FAM107A: variants seen among roughly 807,000 people sequenced by gnomAD.
FAM107A encodes family with sequence similarity 107 member A.
Under a neutral mutation model 13.7 loss-of-function variants are expected in FAM107A, and 19 were observed. That is an observed-to-expected ratio of 1.38 (90% CI 0.97 to 2.03). FAM107A has a LOEUF of 2.03. FAM107A is among the 30% of genes most tolerant of loss of function. FAM107A has a pLI of 0.00. For synonymous variants in FAM107A, 82 were observed against 74.5 expected (o/e 1.10, Z -0.52); for missense variants, 203 against 184.4 (o/e 1.10, Z -0.58).
chr3:58,587,249 G>A (rs931204085), upstream of FAM107A: 1 of 500,052 alleles, frequency 2.0e-6, no homozygotes. Flanking sequence ...TTCCAGCCTC[G>A]GTCTCCCACC....
chr3:58,583,235 C>T (rs1157757091), intron 1 of FAM107A, among the ~76,000 whole-genome samples: 5 of 152,208 alleles, frequency 3.3e-5, no homozygotes, highest in African/African-American at 9.7e-5. Context: ...TATGTGTGGC[C>T]GCCCGTGGTT....
intron 1 of FAM107A, among the ~76,000 whole-genome samples, chr3:58,603,651 G>A (rs78196169): frequency 0.02 from 3,014 of 152,254 alleles, 46 homozygotes; most frequent in Non-Finnish European, 0.027. Flanking sequence ...CTCCATATCT[G>A]TTGGTCATTG....
chr3:58,620,368 G>A (rs1222135476), intron 1 of FAM107A, among the ~76,000 whole-genome samples: 1 of 152,178 alleles, frequency 6.6e-6, no homozygotes, highest in Non-Finnish European at 1.5e-5. Flanking sequence ...AAAACCTGTA[G>A]GCCTGGTAAT....
At chr3:58,590,325 C>T (rs2065645401), upstream of FAM107A, among the ~76,000 whole-genome samples, 1 of 152,180 alleles carries the variant, frequency 6.6e-6, no homozygotes, top group South Asian at 2.1e-4. Flanking sequence ...TTCCTGCAAC[C>T]CCACAGTTGT....
At chr3:58,620,062 C>A (rs564927629) in intron 1 of FAM107A, among the ~76,000 whole-genome samples, 1 of 152,174 alleles carries the variant, frequency 6.6e-6, no homozygotes, top group African/African-American at 2.4e-5. Context: ...GGAAATCAGC[C>A]TCCCTCTCTC....
Position 58,617,618 on chromosome 3 carries a change from G to T in FAM107A, c.-70+9798C>A, listed in dbSNP as rs1203483770. Reference sequence around the variant, plus strand: ...AGTGTTCTGAAAGCCGATCCCTGGGGCCCAGGGAGGGAGCTGCGTTTTTGG... The same window carrying T: ...AGTGTTCTGAAAGCCGATCCCTGGGTCCCAGGGAGGGAGCTGCGTTTTTGG... On this transcript the variant is annotated intron_variant, in intron 1 of 3. Coordinates refer to the FAM107A transcript ENST00000465970. This position sits in a 1 kb window ranked among gnomAD's most constrained non-coding sequence, Gnocchi z 4.5. Among the ~76,000 whole-genome samples, 1 of 152,162 alleles carries T rather than the reference G, an allele frequency of 6.6e-6. No homozygotes were observed. The highest frequency in any genetic ancestry group is 1.5e-5 in the Non-Finnish European group (1 of 68,034).
chr3:58,575,752 G>A (rs1338187054), intron 1 of FAM107A, among the ~76,000 whole-genome samples: 1 of 152,218 alleles, frequency 6.6e-6, no homozygotes, highest in Non-Finnish European at 1.5e-5. Flanking sequence ...CCTAGCCTAC[G>A]TGAAATGCAA....
chr3:58,594,967 A>C (rs977731361), intron 1 of FAM107A, among the ~76,000 whole-genome samples: 2 of 152,026 alleles, frequency 1.3e-5, no homozygotes, highest in Non-Finnish European at 2.9e-5. Flanking sequence ...TCCTTCTTTT[A>C]TTTGGACCTT....
chr3:58,567,712 A>G (rs949838130), intron 2 of FAM107A, among the ~76,000 whole-genome samples: 2 of 152,174 alleles, frequency 1.3e-5, no homozygotes, highest in Non-Finnish European at 2.9e-5. Flanking sequence ...TTTGAGGTAC[A>G]TATATCTATC....
At chr3:58,576,212 C>T (rs1279031621) in intron 1 of FAM107A, among the ~76,000 whole-genome samples, 1 of 152,222 alleles carries the variant, frequency 6.6e-6, no homozygotes. Flanking sequence ...AGCTGCTTGT[C>T]CATTTGGATG....
intron 1 of FAM107A, among the ~76,000 whole-genome samples, chr3:58,592,586 G>T (rs11719521): frequency 6.6e-6 from 1 of 151,864 alleles, no homozygotes; most frequent in South Asian, 2.1e-4. Context: ...GTCCGATAAC[G>T]GACCGGCCTT....
chr3:58,597,328 T>C (rs1026478933), intron 1 of FAM107A, among the ~76,000 whole-genome samples: 2 of 152,212 alleles, frequency 1.3e-5, no homozygotes, highest in African/African-American at 4.8e-5. Context: ...CATAGATTTT[T>C]GGGGACACAT....
intron 1 of FAM107A, among the ~76,000 whole-genome samples, chr3:58,592,959 C>T (rs2065666069): frequency 6.6e-6 from 1 of 152,202 alleles, no homozygotes; most frequent in Non-Finnish European, 1.5e-5. Context: ...CTCTTGCATA[C>T]TCCAGATTCC....
Position 58,569,042 on chromosome 3 carries a change from A to C in FAM107A, c.170+649T>G, listed in dbSNP as rs1420950419. On this transcript the variant is annotated intron_variant, in intron 2 of 3. Transcript: ENST00000360997. This position sits in a 1 kb window ranked among gnomAD's most constrained non-coding sequence, Gnocchi z 5.7. Reference sequence around the variant, plus strand: ...TCCCACCTCACCAGACGGGCCCACCACACCTTGTGCCCCTGCTGTAGACCT... The same window carrying C: ...TCCCACCTCACCAGACGGGCCCACCCCACCTTGTGCCCCTGCTGTAGACCT... Among the ~76,000 whole-genome samples the C allele has an allele frequency of 6.6e-6, 1 of 152,012 alleles. No individual in the cohort carries two copies. Among genetic ancestry groups the C allele is most frequent in the Non-Finnish European group, 1.5e-5 (1 of 67,982 alleles).
rs962919286 is a variant in FAM107A at position 58,617,061 on chromosome 3, C to T, written c.-70+10355G>A. 4.6e-5 allele frequency among the ~76,000 whole-genome samples: 7 copies of T among 152,134 alleles called. No individual in the cohort carries two copies. Among genetic ancestry groups the T allele is most frequent in the South Asian group, 2.1e-4 (1 of 4,830 alleles). ...TGCTGGGATTACAGGCGTGAGCCAC[C>T]GCGCCTGGCCTCGGCTACCCAGTTT... On this transcript the variant is annotated intron_variant, in intron 1 of 3. Coordinates refer to the FAM107A transcript ENST00000465970. The surrounding 1 kb of genome is among the most constrained non-coding windows in gnomAD (Gnocchi z 4.5).
chr3:58,577,432 C>G, upstream of FAM107A: 3 of 985,344 alleles, frequency 3.0e-6, no homozygotes, highest in Non-Finnish European at 3.6e-6. This position sits in a 1 kb window ranked among gnomAD's most constrained non-coding sequence, Gnocchi z 4.9. Flanking sequence ...CCCCTGGGAA[C>G]GGAGGCTGCT....
At chr3:58,602,810 G>A (rs551418916) in intron 1 of FAM107A, among the ~76,000 whole-genome samples, 1 of 152,242 alleles carries the variant, frequency 6.6e-6, no homozygotes, top group African/African-American at 2.4e-5. Flanking sequence ...TTAAAGTAAT[G>A]GCAAAACTAC....
rs73076292 is a variant in FAM107A, at chr3:58,613,847, C to T, written c.-70+13569G>A. ...GCAGAAGGCGGAAGTCCAGCCCTTA[C>T]GGCCTGTCCAAGGTCTATACGTTAC... On this transcript the variant is annotated intron_variant, in intron 1 of 3. Transcript: ENST00000465970. The surrounding 1 kb of genome is among the most constrained non-coding windows in gnomAD (Gnocchi z 4.6). Among the ~76,000 whole-genome samples, 8,310 of 152,312 alleles carry T rather than the reference C, an allele frequency of 0.055. 295 individuals carry two copies. Among genetic ancestry groups the T allele is most frequent in the South Asian group, 0.089 (432 of 4,832 alleles).
At chr3:58,597,947 G>A (rs1203277850) in intron 1 of FAM107A, among the ~76,000 whole-genome samples, 3 of 152,208 alleles carry the variant, frequency 2.0e-5, no homozygotes, top group African/African-American at 7.2e-5. Flanking sequence ...TTTTACAGAG[G>A]AGGAAACTGA....
Sources: gnomAD v4.1 joint callset for allele counts (sites outside exome capture counted in the v4.1 genomes callset) on GRCh38, gnomAD v4.1.1 for gene constraint, Gnocchi (gnomAD v3.1) non-coding constraint, MANE v1.5 for transcripts, NCBI Gene and HGNC (gene_info 2026-07-23, HGNC 2026-07-21) for gene names.